The following TENM3 variants were observed in gnomAD, a reference collection of about 807,000 sequenced individuals.
TENM3 encodes the protein teneurin-3.
A neutral mutation model predicts 255.1 loss-of-function variants in TENM3; 63 were observed. The ratio of observed to expected loss-of-function variants is 0.25; its 90% CI spans 0.20 to 0.30. TENM3 has a LOEUF of 0.30. Among genes scored for constraint, TENM3 ranks in the 10% least tolerant of loss-of-function variants. TENM3 has a pLI of 1.00. For synonymous variants in TENM3, 1,306 were observed against 1,322.3 expected, an observed-to-expected ratio of 0.99 and a Z score of 0.27; for missense variants, 2,929 against 3,461.1, an observed-to-expected ratio of 0.85 and a Z score of 3.86.
chr4:182,228,477 AT>A (rs57763148), intron 1 of TENM3, among the ~76,000 whole-genome samples: 9,761 of 149,900 alleles, frequency 0.065, 373 homozygotes, highest in Middle Eastern at 0.1. Flanking sequence ...AAAAATAGGT[AT>A]TTTCCCTTCA....
At chr4:182,712,213 G>A (rs1349666379) in intron 12 of TENM3, among the ~76,000 whole-genome samples, 1 of 152,078 alleles carries the variant, frequency 6.6e-6, no homozygotes, top group Non-Finnish European at 1.5e-5. Flanking sequence ...CACATCTTCA[G>A]TTATCGTAGA....
chr4:182,008,355 C>T, the TENM3 span, among the ~76,000 whole-genome samples: 1 of 152,120 alleles, frequency 6.6e-6, no homozygotes, highest in South Asian at 2.1e-4. Flanking sequence ...TTCTCCCCAT[C>T]TCCTTCTGGT....
At chr4:182,041,759 C>A in the TENM3 span, among the ~76,000 whole-genome samples, 1 of 152,086 alleles carries the variant, frequency 6.6e-6, no homozygotes, top group Non-Finnish European at 1.5e-5. Context: ...TCCCAGGAAC[C>A]AAAATGTCTC....
At chr4:182,654,812 C>T (rs777685379) in intron 6 of TENM3, among the ~76,000 whole-genome samples, 1 of 152,114 alleles carries the variant, frequency 6.6e-6, no homozygotes, top group Non-Finnish European at 1.5e-5. Flanking sequence ...GTTGCTGTGT[C>T]ACATGTACCC....
At chr4:182,453,510 CA>C (rs1373501466) in intron 3 of TENM3, among the ~76,000 whole-genome samples, 2 of 152,218 alleles carry the variant, frequency 1.3e-5, no homozygotes, top group Non-Finnish European at 2.9e-5. Flanking sequence ...TTGGTTTGTA[CA>C]TTGAGGAGGC....
the TENM3 span, among the ~76,000 whole-genome samples, chr4:181,582,574 G>T: frequency 6.6e-6 from 1 of 151,646 alleles, no homozygotes; most frequent in Non-Finnish European, 1.5e-5. Context: ...TTGAAGCTGG[G>T]AGGCGGAGGT....
chr4:181,542,560 G>C, the TENM3 span, among the ~76,000 whole-genome samples: 1 of 152,194 alleles, frequency 6.6e-6, no homozygotes, highest in Admixed American at 6.5e-5. Context: ...TAGAAGTGGG[G>C]ATGGAGAGAA....
At chr4:181,784,138 TC>T in the TENM3 span, among the ~76,000 whole-genome samples, 1 of 149,976 alleles carries the variant, frequency 6.7e-6, no homozygotes, top group Non-Finnish European at 1.5e-5. Context: ...TATTCTTTAC[TC>T]TAAATGGAAA....
At chr4:181,730,617 C>G in the TENM3 span, among the ~76,000 whole-genome samples, 1 of 152,234 alleles carries the variant, frequency 6.6e-6, no homozygotes, top group African/African-American at 2.4e-5. Context: ...TGCAGTGCGA[C>G]CAGATAGACT....
chr4:181,893,165 T>C, the TENM3 span, among the ~76,000 whole-genome samples: 7 of 152,168 alleles, frequency 4.6e-5, no homozygotes, highest in African/African-American at 1.7e-4. Flanking sequence ...TATAAATACA[T>C]TGAAGCATGC....
At chr4:182,491,757 C>T (rs1027395352) in intron 3 of TENM3, among the ~76,000 whole-genome samples, 48 of 152,262 alleles carry the variant, frequency 3.2e-4, no homozygotes, top group African/African-American at 1.1e-3. Context: ...CCTACAGAAT[C>T]CACTTTTGAC....
At chr4:181,921,681 C>A in the TENM3 span, among the ~76,000 whole-genome samples, 2 of 152,198 alleles carry the variant, frequency 1.3e-5, no homozygotes, top group Admixed American at 1.3e-4. Context: ...CATCTTCAAA[C>A]AGGGACAATT....
At chr4:182,086,526 G>A in the TENM3 span, among the ~76,000 whole-genome samples, 28 of 152,242 alleles carry the variant, frequency 1.8e-4, no homozygotes, top group African/African-American at 6.3e-4. Flanking sequence ...AAGAGAAATG[G>A]AGAGAGAGCT....
chr4:182,589,000 A>G (rs1219467836), intron 3 of TENM3, among the ~76,000 whole-genome samples: 1 of 152,192 alleles, frequency 6.6e-6, no homozygotes, highest in African/African-American at 2.4e-5. Flanking sequence ...GATAACCAGA[A>G]ATTCTGCTAT....
chr4:181,657,528 T>A, the TENM3 span, among the ~76,000 whole-genome samples: 2,560 of 152,244 alleles, frequency 0.017, 85 homozygotes, highest in African/African-American at 0.059. Context: ...CAGGTGTTGG[T>A]GATACTGTTG....
chr4:181,779,511 G>T, the TENM3 span, among the ~76,000 whole-genome samples: 3 of 151,400 alleles, frequency 2.0e-5, no homozygotes, highest in African/African-American at 7.3e-5. Context: ...ATCAATTCTG[G>T]TTCTTAGCAT....
the TENM3 span, among the ~76,000 whole-genome samples, chr4:181,994,568 T>TTTTTG: frequency 6.7e-6 from 1 of 150,314 alleles, no homozygotes; most frequent in African/African-American, 2.4e-5. Context: ...TTTTTTTTTT[T>TTTTTG]TGTGAACTCA....
intron 3 of TENM3, among the ~76,000 whole-genome samples, chr4:182,554,990 A>G (rs1002081238): frequency 1.5e-4 from 23 of 151,122 alleles, no homozygotes; most frequent in African/African-American, 5.4e-4. Context: ...TGGTCTCTTT[A>G]TTTGTCATGC....
At chr4:182,648,370 G>C (rs554422918) in intron 5 of TENM3, among the ~76,000 whole-genome samples, 1 of 149,414 alleles carries the variant, frequency 6.7e-6, no homozygotes. Flanking sequence ...TGCAACCTCC[G>C]CCTCCCAGGT....
Sources: allele counts gnomAD v4.1 joint callset (sites outside exome capture counted in the v4.1 genomes callset), GRCh38; gene constraint gnomAD v4.1.1; transcripts MANE v1.5; gene names NCBI Gene and HGNC (gene_info 2026-07-23, HGNC 2026-07-21).